GABRA4: variants seen among roughly 807,000 people sequenced by gnomAD.
GABRA4 encodes gamma-aminobutyric acid receptor subunit alpha-4.
In GABRA4, 12 loss-of-function variants were observed where a neutral mutation model predicts 49.7. That is an observed-to-expected ratio of 0.24 (90% CI 0.15 to 0.39). The LOEUF (loss-of-function observed/expected upper bound fraction) is 0.39, where lower values mean the gene tolerates loss of function less well. GABRA4 is among the 10% of genes least tolerant of loss of function. The pLI is 1.00. For missense variants in GABRA4, 506 were observed against 686.0 expected (o/e 0.74, Z 2.93); for synonymous variants, 288 against 240.2 (o/e 1.20, Z -1.84).
intron 8 of GABRA4, among the ~76,000 whole-genome samples, chr4:46,938,282 T>C (rs1216851119): frequency 6.6e-6 from 1 of 152,124 alleles, no homozygotes; most frequent in Non-Finnish European, 1.5e-5. Context: ...ATTCTTAATA[T>C]AGACTTGATA....
intron 8 of GABRA4, among the ~76,000 whole-genome samples, chr4:46,961,931 G>A (rs905459708): frequency 6.6e-6 from 1 of 151,844 alleles, no homozygotes; most frequent in African/African-American, 2.4e-5. Flanking sequence ...TGTACAGTTG[G>A]ACTCCATGAA....
At chr4:46,939,231 T>C (rs1721709043) in intron 8 of GABRA4, among the ~76,000 whole-genome samples, 1 of 152,078 alleles carries the variant, frequency 6.6e-6, no homozygotes, top group Non-Finnish European at 1.5e-5. Context: ...TAAATTTCCC[T>C]TCTCTTCTTA....
intron 8 of GABRA4, among the ~76,000 whole-genome samples, chr4:46,931,260 T>C (rs565738799): frequency 2.0e-5 from 3 of 152,166 alleles, no homozygotes; most frequent in South Asian, 4.1e-4. Flanking sequence ...ATGTCAACAT[T>C]CATGTAGCAT....
At chr4:46,954,995 A>G (rs1417750049) in intron 8 of GABRA4, among the ~76,000 whole-genome samples, 2 of 152,146 alleles carry the variant, frequency 1.3e-5, no homozygotes, top group Non-Finnish European at 1.5e-5. Flanking sequence ...ATTAGAGATA[A>G]TTCATGTAAA....
In GABRA4 at chr4:46,922,397, T is replaced by C. The variant is rs992799539; in HGVS notation, c.*5828A>G. The C allele has an allele frequency of 1.3e-5, 2 of 152,088 alleles. No individual in the cohort carries two copies. Among genetic ancestry groups the C allele is most frequent in the Non-Finnish European group, 2.9e-5 (2 of 68,026 alleles). The allele number at this position is 152,088 out of a possible 1,614,324, so 9.4% of individuals were successfully genotyped here. ...CACCCTCCCACCACTTCCCACACTG[T>C]AGTTCAGTAAATAGCTGGCTCTGCT... On this transcript the variant is annotated 3_prime_UTR_variant, in exon 9 of 9. Transcript: ENST00000264318.
intron 2 of GABRA4, among the ~76,000 whole-genome samples, chr4:46,986,550 G>A (rs567107956): frequency 1.3e-5 from 2 of 151,674 alleles, no homozygotes; most frequent in South Asian, 2.1e-4. Context: ...CTCCTCTCTG[G>A]AGCCACCTCC....
Position 46,928,520 on chromosome 4 carries a change from G to A in GABRA4, c.1370C>T (p.Thr457Ile). The change falls in exon 9 of 9, where the codon ACT becomes ATT. Residue 457 changes from threonine to isoleucine, a missense_variant. Thr to Ile is a moderately conservative substitution (Grantham distance 89). Around this residue, in one of 5 missense-constraint regions of GABRA4, gnomAD observed 243 missense variants for 210.8 expected, o/e 1.15. Transcript: ENST00000264318. Reference protein sequence around the residue: ...AARALPSASPTSIRTGYMPRK... With the variant: ...AARALPSASPISIRTGYMPRK... ...AGGCATATATCCAGTTCGGATAGAA[G>A]TAGGAGAAGCAGATGGAAGTGCTCT... The A allele has an allele frequency of 6.2e-7, 1 of 1,613,694 alleles. No homozygotes were observed. The highest frequency in any genetic ancestry group is 8.5e-7 in the Non-Finnish European group (1 of 1,179,750).
intron 8 of GABRA4, among the ~76,000 whole-genome samples, chr4:46,942,319 C>T (rs1301642106): frequency 1.3e-5 from 2 of 152,258 alleles, no homozygotes; most frequent in Non-Finnish European, 2.9e-5. Context: ...ACTTCTTCGT[C>T]TGTCACTCAC....
intron 2 of GABRA4, among the ~76,000 whole-genome samples, chr4:46,987,692 T>C (rs4695184): frequency 0.11 from 16,119 of 152,128 alleles, 932 homozygotes; most frequent in South Asian, 0.19. Context: ...ATCTTTACTA[T>C]ATCTGCCACC....
intron 8 of GABRA4, among the ~76,000 whole-genome samples, chr4:46,963,918 CA>C (rs1250827440): frequency 6.6e-6 from 1 of 151,802 alleles, no homozygotes; most frequent in Non-Finnish European, 1.5e-5. Context: ...GGTGTATACC[CA>C]AAAGAAAGGA....
intron 8 of GABRA4, among the ~76,000 whole-genome samples, chr4:46,953,831 T>C (rs931581390): frequency 2.6e-5 from 4 of 151,580 alleles, no homozygotes; most frequent in African/African-American, 9.7e-5. Flanking sequence ...AGTTGGGGAG[T>C]AAGTATGGGG....
chr4:46,935,028 A>G (rs971744298), intron 8 of GABRA4, among the ~76,000 whole-genome samples: 1 of 152,208 alleles, frequency 6.6e-6, no homozygotes, highest in Admixed American at 6.5e-5. Context: ...TTTCTTATTC[A>G]ATGTAGAAAA....
intron 8 of GABRA4, among the ~76,000 whole-genome samples, chr4:46,929,188 T>C (rs1321594751): frequency 1.3e-5 from 2 of 151,926 alleles, no homozygotes; most frequent in African/African-American, 2.4e-5. Flanking sequence ...GGGAGAACTA[T>C]ACCTAGTCAT....
In GABRA4 at chr4:46,925,757, T is replaced by TATTATTATC. The variant is rs1553901712; in HGVS notation, c.*2467_*2468insGATAATAAT. The TATTATTATC allele has an allele frequency of 1.5e-3, 117 of 78,846 alleles. 2 individuals carry two copies. The highest frequency in any genetic ancestry group is 2.6e-3 in the Non-Finnish European group (92 of 35,576). 4.9% of individuals were successfully genotyped at this position (78,846 alleles called of 1,614,324 possible). On this transcript the variant is annotated 3_prime_UTR_variant, in exon 9 of 9. Coordinates refer to ENST00000264318, the MANE Select transcript of GABRA4 (RefSeq NM_000809.4). ...TTATTATTATTATTATTATTATTAT[T>TATTATTATC]ATCATCATTATTATCATTGTGTGCA...
rs67861758 is a variant in GABRA4 at position 46,959,758 on chromosome 4, CA to C, written c.1134+5211del. On this transcript the variant is annotated intron_variant, in intron 8 of 8. Transcript: ENST00000264318. ...TAGTATAATGAGTCTCATCACTTTG[CA>C]AAAAAAAAAAAAAAAAAGAAAAGAA... is the stretch of plus-strand genomic sequence containing the variant. Among the ~76,000 whole-genome samples the C allele has an allele frequency of 5.9e-3, 487 of 82,666 alleles. 1 individual carries two copies. Among genetic ancestry groups the C allele is most frequent in the African/African-American group, 0.013 (262 of 20,570 alleles). The allele number at this position is 82,666 out of a possible 152,430, so 54.2% of individuals were successfully genotyped here. A position where few individuals can be genotyped will look rare whatever the true frequency, so the allele number is the denominator to read the frequency against.
At chr4:46,945,361 G>T (rs1448833658) in intron 8 of GABRA4, among the ~76,000 whole-genome samples, 1 of 152,094 alleles carries the variant, frequency 6.6e-6, no homozygotes, top group African/African-American at 2.4e-5. Context: ...AGGCTACACA[G>T]GAAAGGCATG....
At chr4:46,942,861 GTT>G in intron 8 of GABRA4, among the ~76,000 whole-genome samples, 2 of 152,066 alleles carry the variant, frequency 1.3e-5, no homozygotes, top group Admixed American at 1.3e-4. Flanking sequence ...GAATGGGCCT[GTT>G]CAGTTGCTTT....
intron 8 of GABRA4, among the ~76,000 whole-genome samples, chr4:46,953,081 A>C (rs944650243): frequency 1.3e-5 from 2 of 152,148 alleles, no homozygotes; most frequent in East Asian, 3.9e-4. Context: ...TAACAATTCC[A>C]ATAATATGGT....
chr4:46,982,855 A>G (rs1417725911), intron 2 of GABRA4, among the ~76,000 whole-genome samples: 1 of 152,106 alleles, frequency 6.6e-6, no homozygotes, highest in East Asian at 1.9e-4. Context: ...AGTTGGTGAT[A>G]ACAGCTTGGA....
Sources: gnomAD v4.1 joint callset for allele counts (sites outside exome capture counted in the v4.1 genomes callset) on GRCh38, gnomAD v4.1.1 for gene constraint, gnomAD v4.1.1 regional missense constraint, MANE v1.5 for transcripts, NCBI Gene and HGNC (gene_info 2026-07-23, HGNC 2026-07-21) for gene names.